CHP1: variants seen among roughly 807,000 people sequenced by gnomAD.
The protein encoded by CHP1 is calcineurin like EF-hand protein 1.
CHP1 carries 11 observed loss-of-function variants against 27.4 expected under a neutral mutation model. That is an observed-to-expected ratio of 0.40 (90% CI 0.25 to 0.67). The LOEUF (loss-of-function observed/expected upper bound fraction) is 0.67. Ranked by LOEUF, CHP1 falls within the 30% of genes least tolerant of loss-of-function variation. The pLI is 0.38. For missense variants in CHP1, 169 were observed against 251.3 expected, an observed-to-expected ratio of 0.67 and a Z score of 2.22; for synonymous variants, 89 against 87.4, an observed-to-expected ratio of 1.02 and a Z score of -0.10.
chr15:41,260,424 T>G (rs2047426932), intron 3 of CHP1, among the ~76,000 whole-genome samples: 1 of 147,640 alleles, frequency 6.8e-6, no homozygotes, highest in Admixed American at 6.9e-5. Context: ...AGATGGAGTC[T>G]CCCTCTGTCA....
intron 2 of CHP1, among the ~76,000 whole-genome samples, chr15:41,245,836 T>G (rs2047331736): frequency 1.3e-5 from 2 of 152,236 alleles, no homozygotes; most frequent in Admixed American, 1.3e-4. Context: ...AATATTTCTT[T>G]CAGTGCTTGT....
chr15:41,263,477 T>C (rs1351694166), intron 4 of CHP1, among the ~76,000 whole-genome samples: 2 of 152,230 alleles, frequency 1.3e-5, no homozygotes, highest in Non-Finnish European at 2.9e-5. Context: ...TCTGCCCTTA[T>C]TGGTTCATGT....
At chr15:41,267,056 T>C (rs1250589053) in intron 4 of CHP1, among the ~76,000 whole-genome samples, 1 of 151,994 alleles carries the variant, frequency 6.6e-6, no homozygotes, top group Non-Finnish European at 1.5e-5. Context: ...TTGAAGACAT[T>C]ATGCTGAGTG....
rs34921023 is a variant in CHP1, at chr15:41,280,505, A to ATTTTTTTTTTTTTTTT, written c.*1128_*1143dup. ...GGAAGTGCCTAATATCCCAGTCCAA[A>ATTTTTTTTTTTTTTTT]TTTTTTTTTTTTTTTTTTTTTTTTT... On this transcript the variant is annotated 3_prime_UTR_variant, in exon 7 of 7. Transcript: ENST00000334660. The ATTTTTTTTTTTTTTTT allele has an allele frequency of 9.0e-6, 1 of 111,340 alleles. No individual in the cohort carries two copies. The allele number at this position is 111,340 out of a possible 1,614,324, so 6.9% of individuals were successfully genotyped here.
At chr15:41,251,169 AC>A (rs781022163) in intron 2 of CHP1, among the ~76,000 whole-genome samples, 2 of 152,120 alleles carry the variant, frequency 1.3e-5, no homozygotes, top group African/African-American at 2.4e-5. Flanking sequence ...TTGAAGTATA[AC>A]ATACAGAAAA....
intron 2 of CHP1, among the ~76,000 whole-genome samples, chr15:41,249,253 C>T (rs370798210): frequency 2.0e-5 from 3 of 152,090 alleles, no homozygotes; most frequent in Non-Finnish European, 2.9e-5. Flanking sequence ...CATCACGGCT[C>T]ACTGTAGCCT....
In CHP1 at chr15:41,231,272, G is replaced by C. The variant is rs910222847; in HGVS notation, c.-111G>C. On this transcript the variant is annotated 5_prime_UTR_variant, in exon 1 of 7. Coordinates refer to ENST00000334660, the MANE Select transcript of CHP1 (RefSeq NM_007236.5). Reference sequence around the variant, plus strand: ...TGGGTTCCCTCCCGGGTCCGCAGTGGAAACACTGCCCTCTCCCTTCTTGAC... The same window carrying C: ...TGGGTTCCCTCCCGGGTCCGCAGTGCAAACACTGCCCTCTCCCTTCTTGAC... The C allele has an allele frequency of 1.8e-6, 2 of 1,124,428 alleles. No individual in the cohort carries two copies. Among genetic ancestry groups the C allele is most frequent in the East Asian group, 2.6e-5 (1 of 38,762 alleles). The allele number at this position is 1,124,428 out of a possible 1,614,324, so 69.7% of individuals were successfully genotyped here.
At chr15:41,267,136 T>C (rs931260824) in intron 4 of CHP1, among the ~76,000 whole-genome samples, 1 of 152,094 alleles carries the variant, frequency 6.6e-6, no homozygotes, top group Non-Finnish European at 1.5e-5. Context: ...GTGGTCAAAT[T>C]TGTAGAGACA....
chr15:41,255,106 A>G (rs2047391850), intron 2 of CHP1, among the ~76,000 whole-genome samples: 1 of 152,190 alleles, frequency 6.6e-6, no homozygotes, highest in Admixed American at 6.5e-5. Context: ...AAACAGTACC[A>G]TTATGTAATA....
rs186953384 is a variant in CHP1 at position 41,270,269 on chromosome 15, G to T, written c.350-288G>T. Among the ~76,000 whole-genome samples the T allele has an allele frequency of 3.2e-3, 487 of 152,106 alleles. 1 individual carries two copies. The highest frequency in any genetic ancestry group is 0.01 in the Middle Eastern group (3 of 294). ...CAGAACCACGTAAGGAGTGTTTTGGGGGGGGGCGTTTAACATTCTAGGTTA... is the reference window on the plus strand; with the variant it reads ...CAGAACCACGTAAGGAGTGTTTTGGTGGGGGGCGTTTAACATTCTAGGTTA... On this transcript the variant is annotated intron_variant, in intron 4 of 6. Transcript: ENST00000334660.
intron 5 of CHP1, among the ~76,000 whole-genome samples, chr15:41,277,710 C>T (rs7168247): frequency 0.051 from 7,696 of 150,132 alleles, 519 homozygotes; most frequent in African/African-American, 0.16. Flanking sequence ...ATCGCTTGAA[C>T]TGGGGAGGCA....
intron 4 of CHP1, among the ~76,000 whole-genome samples, chr15:41,265,547 TAA>T (rs1487840874): frequency 6.8e-6 from 1 of 146,050 alleles, no homozygotes; most frequent in East Asian, 2.0e-4. Context: ...CTGTCTGTAC[TAA>T]AAATACAAAA....
chr15:41,261,086 C>T (rs962567594), intron 3 of CHP1, among the ~76,000 whole-genome samples: 1 of 151,458 alleles, frequency 6.6e-6, no homozygotes, highest in African/African-American at 2.4e-5. Flanking sequence ...TTCCTTCCTT[C>T]CTTCCTTTCC....
intron 1 of CHP1, among the ~76,000 whole-genome samples, chr15:41,232,896 A>C (rs964035770): frequency 6.6e-6 from 1 of 152,074 alleles, no homozygotes; most frequent in African/African-American, 2.4e-5. Flanking sequence ...GGAGTTTTCA[A>C]GTTGGAAGGG....
At chr15:41,238,516 A>G (rs2047289237) in intron 1 of CHP1, among the ~76,000 whole-genome samples, 1 of 152,028 alleles carries the variant, frequency 6.6e-6, no homozygotes, top group South Asian at 2.1e-4. Context: ...ATATACCCAT[A>G]CCAGTGGAGA....
chr15:41,246,823 T>G (rs2047337339), intron 2 of CHP1, among the ~76,000 whole-genome samples: 1 of 150,738 alleles, frequency 6.6e-6, no homozygotes, highest in African/African-American at 2.4e-5. Context: ...GAGAATCACT[T>G]GAACCTGGGA....
rs547765798 is a variant in CHP1 at position 41,231,523 on chromosome 15, G to A, written c.67+74G>A. ...ACAACCAAGGGCGGCTGTCGCTAAG[G>A]TCTGGAGCTCGGGTGCCTGTGAGGT... On this transcript the variant is annotated intron_variant, in intron 1 of 6. Transcript: ENST00000334660. 9.7e-6 allele frequency: 14 copies of A among 1,447,896 alleles called. No homozygotes were observed. In the East Asian group the frequency reaches 1.4e-4, roughly 15 times the overall value. The allele number at this position is 1,447,896 out of a possible 1,614,324, so 89.7% of individuals were successfully genotyped here.
In CHP1 at chr15:41,271,754, G is replaced by A. The variant is rs370226349; in HGVS notation, c.411+1136G>A. ...AGGGCAGATTCAGGAGCAACCCAAC[G>A]TATTCTTACATTTCTATCAGCAAAA... is the stretch of plus-strand genomic sequence containing the variant. On this transcript the variant is annotated intron_variant, in intron 5 of 6. Transcript: ENST00000334660. Among the ~76,000 whole-genome samples, 72 of 152,286 alleles carry A rather than the reference G, an allele frequency of 4.7e-4. 2 individuals carry two copies. The East Asian group carries it at 7.3e-3, about 16-fold the overall frequency.
At chr15:41,273,132 T>A (rs1385448471) in intron 5 of CHP1, among the ~76,000 whole-genome samples, 1 of 151,732 alleles carries the variant, frequency 6.6e-6, no homozygotes, top group African/African-American at 2.4e-5. Context: ...CTAAACAAAA[T>A]ATTAACACAC....
Sources: gnomAD v4.1 joint callset for allele counts (sites outside exome capture counted in the v4.1 genomes callset) on GRCh38, gnomAD v4.1.1 for gene constraint, MANE v1.5 for transcripts, NCBI Gene and HGNC (gene_info 2026-07-23, HGNC 2026-07-21) for gene names.